The following EPS8 variants were observed in gnomAD, a reference collection of about 807,000 sequenced individuals.
EPS8 encodes the protein EGFR pathway substrate 8, signaling adaptor.
EPS8 carries 42 observed loss-of-function variants against 103.8 expected under a neutral mutation model. The ratio of observed to expected loss-of-function variants is 0.40; its 90% CI spans 0.32 to 0.52. The LOEUF (loss-of-function observed/expected upper bound fraction) is 0.52, where lower values mean the gene tolerates loss of function less well. Ranked by LOEUF, EPS8 falls within the 20% of genes least tolerant of loss-of-function variation. The pLI is 0.40. For missense variants in EPS8, 969 were observed against 1,005.1 expected (o/e 0.96, Z 0.49); for synonymous variants, 344 against 344.6 (o/e 1.00, Z 0.02).
chr12:15,662,777 C>A, intron 8 of EPS8: 1 of 353,298 alleles, frequency 2.8e-6, no homozygotes, highest in Non-Finnish European at 4.0e-6. Context: ...GTTAATACTG[C>A]CTCTAAACAC....
rs554645866 is a variant in EPS8 at position 15,694,632 on chromosome 12, G to A, written c.-21-11660C>T. Among the ~76,000 whole-genome samples the A allele has an allele frequency of 6.6e-5, 10 of 152,168 alleles. No homozygotes were observed. In the South Asian group the frequency reaches 1.5e-3, roughly 22 times the overall value. On this transcript the variant is annotated intron_variant, in intron 1 of 20. Transcript: ENST00000281172. ...TGATACAGCTGGGAACAAATTATTC[G>A]TGGACTACTCCAAAACAAAAGCAGA...
chr12:15,638,464 T>G (rs1945173755), intron 17 of EPS8, among the ~76,000 whole-genome samples: 1 of 152,134 alleles, frequency 6.6e-6, no homozygotes, highest in Non-Finnish European at 1.5e-5. Context: ...TTTAATACAT[T>G]TTCAAAGTAG....
intron 1 of EPS8, among the ~76,000 whole-genome samples, chr12:15,699,139 T>A (rs1037636292): frequency 1.3e-5 from 2 of 152,064 alleles, no homozygotes; most frequent in Non-Finnish European, 2.9e-5. Flanking sequence ...TTTCCTAGAG[T>A]CCAAAGACCT....
intron 16 of EPS8, 90 bp downstream of exon 16, chr12:15,641,632 T>C (rs1945231937): frequency 3.5e-6 from 2 of 564,568 alleles, no homozygotes. Context: ...AGTAATATAA[T>C]ACTTTTGAAG....
chr12:15,739,664 T>A (rs1416396672), intron 1 of EPS8, among the ~76,000 whole-genome samples: 1 of 152,162 alleles, frequency 6.6e-6, no homozygotes, highest in African/African-American at 2.4e-5. Context: ...CTTCCCTGGT[T>A]CACCATCAAC....
In EPS8 at chr12:15,745,269, C is replaced by T. The variant is rs1251122932; in HGVS notation, c.-22+43892G>A. ...CTAACTGCTTATTATAGACTAAGTTCAGTAGATTTTAGTTTCCTCACCTGA... is the reference window on the plus strand; with the variant it reads ...CTAACTGCTTATTATAGACTAAGTTTAGTAGATTTTAGTTTCCTCACCTGA... On this transcript the variant is annotated intron_variant, in intron 1 of 20. Transcript: ENST00000281172. This position sits in a 1 kb window ranked among gnomAD's most constrained non-coding sequence, Gnocchi z 4.6. 6.6e-6 allele frequency among the ~76,000 whole-genome samples: 1 copy of T among 152,140 alleles called. No individual in the cohort carries two copies. The highest frequency in any genetic ancestry group is 2.4e-5 in the African/African-American group (1 of 41,424).
intron 20 of EPS8, 41 bp from the exon 21 acceptor site, chr12:15,621,471 T>C: frequency 6.4e-6 from 7 of 1,093,756 alleles, no homozygotes; most frequent in Non-Finnish European, 9.5e-6. Flanking sequence ...TACTGACTTG[T>C]GCAGGCTGCA....
intron 15 of EPS8, among the ~76,000 whole-genome samples, chr12:15,643,540 GA>G (rs1470056012): frequency 1.3e-5 from 2 of 152,074 alleles, no homozygotes; most frequent in African/African-American, 4.8e-5. Context: ...AGGAGTTTGA[GA>G]CCAGCCTGTC....
In EPS8 at chr12:15,690,053, T is replaced by C. The variant is rs1471745653; in HGVS notation, c.-21-7081A>G. Among the ~76,000 whole-genome samples, 1 of 152,226 alleles carries C rather than the reference T, an allele frequency of 6.6e-6. No homozygotes were observed. The highest frequency in any genetic ancestry group is 1.5e-5 in the Non-Finnish European group (1 of 68,042). Reference sequence around the variant, plus strand: ...CCAAGGATGAGATATAATATTTTAATATTTAACCACCCTGTCACCACATGA... The same window carrying C: ...CCAAGGATGAGATATAATATTTTAACATTTAACCACCCTGTCACCACATGA... On this transcript the variant is annotated intron_variant, in intron 1 of 20. Transcript: ENST00000281172. The surrounding 1 kb of genome is among the most constrained non-coding windows in gnomAD (Gnocchi z 4.7).
chr12:15,726,648 AAAATAG>A (rs1313378575), intron 1 of EPS8, among the ~76,000 whole-genome samples: 2 of 152,194 alleles, frequency 1.3e-5, no homozygotes, highest in Non-Finnish European at 2.9e-5. Flanking sequence ...GGCACTCCTT[AAAATAG>A]TGAGACAGCA....
rs1946902044 is a variant in EPS8 at position 15,748,873 on chromosome 12, T to C, written c.-22+40288A>G. Among the ~76,000 whole-genome samples the C allele has an allele frequency of 6.6e-6, 1 of 152,202 alleles. No homozygotes were observed. The highest frequency in any genetic ancestry group is 1.5e-5 in the Non-Finnish European group (1 of 68,030). On this transcript the variant is annotated intron_variant, in intron 1 of 20. Transcript: ENST00000281172. This position sits in a 1 kb window ranked among gnomAD's most constrained non-coding sequence, Gnocchi z 4.8. Reference sequence around the variant, plus strand: ...TGGTTTCCTAATTTTCATAATGGAATGCTAACTTTGACACTTGCTAATCCA... The same window carrying C: ...TGGTTTCCTAATTTTCATAATGGAACGCTAACTTTGACACTTGCTAATCCA...
chr12:15,766,243 C>T (rs968549883), intron 1 of EPS8, among the ~76,000 whole-genome samples: 1 of 150,322 alleles, frequency 6.7e-6, no homozygotes, highest in Non-Finnish European at 1.5e-5. Flanking sequence ...TCTGGGAGGT[C>T]GAGGCGGGTG....
At chr12:15,765,294 C>A (rs1273937132) in intron 1 of EPS8, among the ~76,000 whole-genome samples, 2 of 152,080 alleles carry the variant, frequency 1.3e-5, no homozygotes, top group African/African-American at 4.8e-5. Flanking sequence ...AAACTGTAGA[C>A]TACAAGTAAA....
rs1277122846 is a variant in EPS8, at chr12:15,714,470, C to G, written c.-21-31498G>C. Among the ~76,000 whole-genome samples the G allele has an allele frequency of 6.6e-6, 1 of 152,094 alleles. No individual in the cohort carries two copies. Among genetic ancestry groups the G allele is most frequent in the Non-Finnish European group, 1.5e-5 (1 of 68,016 alleles). ...CAGCCTGGGCAACATACCAAGACCC[C>G]ATCTCCACAAAAAATTCAGCAATCA... On this transcript the variant is annotated intron_variant, in intron 1 of 20. Transcript: ENST00000281172. This position sits in a 1 kb window ranked among gnomAD's most constrained non-coding sequence, Gnocchi z 4.1.
At position 15,777,712 on chromosome 12, in the gene EPS8, C is replaced by T. The variant is rs766597525; in HGVS notation, c.-22+11449G>A. ...AAATATACTTTTCTATTAAAGCCATCTGAGGATTGAAAAAGGGTGTCAGAA... is the reference window on the plus strand; with the variant it reads ...AAATATACTTTTCTATTAAAGCCATTTGAGGATTGAAAAAGGGTGTCAGAA... On this transcript the variant is annotated intron_variant, in intron 1 of 20. Transcript: ENST00000281172. This position sits in a 1 kb window ranked among gnomAD's most constrained non-coding sequence, Gnocchi z 4.7. 3.1e-4 allele frequency among the ~76,000 whole-genome samples: 47 copies of T among 152,204 alleles called. No homozygotes were observed. The highest frequency in any genetic ancestry group is 3.4e-3 in the Middle Eastern group (1 of 294).
At chr12:15,715,926 A>C (rs1946529018) in intron 1 of EPS8, among the ~76,000 whole-genome samples, 1 of 152,054 alleles carries the variant, frequency 6.6e-6, no homozygotes, top group South Asian at 2.1e-4. Flanking sequence ...GAAGGGAGTG[A>C]GAAGAGGATA....
In EPS8 at chr12:15,734,784, CTCACTGTGACACT is replaced by C. The variant is rs1946752533; in HGVS notation, c.-21-51825_-21-51813del. On this transcript the variant is annotated intron_variant, in intron 1 of 20. Transcript: ENST00000281172. This position sits in a 1 kb window ranked among gnomAD's most constrained non-coding sequence, Gnocchi z 4.1. ...CGTAACTTTGTTAATTCCCATTTAA[CTCACTGTGACACT>C]TCACGATATTAATACTTCTACCTTA... is the stretch of plus-strand genomic sequence containing the variant. 6.6e-6 allele frequency among the ~76,000 whole-genome samples: 1 copy of C among 152,286 alleles called. No individual in the cohort carries two copies. Among genetic ancestry groups the C allele is most frequent in the Admixed American group, 6.5e-5 (1 of 15,290 alleles).
chr12:15,713,584 G>C lies in EPS8; in HGVS notation c.-21-30612C>G, dbSNP rs1010510010. On this transcript the variant is annotated intron_variant, in intron 1 of 20. Coordinates refer to ENST00000281172, the MANE Select transcript of EPS8 (RefSeq NM_004447.6). This position sits in a 1 kb window ranked among gnomAD's most constrained non-coding sequence, Gnocchi z 4.8. Reference sequence around the variant, plus strand: ...CAGAAGAAAGTGCTCCCTCAAGAGAGAAAGCACTCTGCTGGATTTCCAGCC... The same window carrying C: ...CAGAAGAAAGTGCTCCCTCAAGAGACAAAGCACTCTGCTGGATTTCCAGCC... Among the ~76,000 whole-genome samples the C allele has an allele frequency of 1.3e-5, 2 of 152,218 alleles. No individual in the cohort carries two copies. The highest frequency in any genetic ancestry group is 2.9e-5 in the Non-Finnish European group (2 of 68,038).
Position 15,657,749 on chromosome 12 carries a change from TGAGAAA to T in EPS8, c.1101+324_1101+329del, listed in dbSNP as rs545334598. On this transcript the variant is annotated intron_variant, in intron 12 of 20. Coordinates refer to ENST00000281172, the MANE Select transcript of EPS8 (RefSeq NM_004447.6). ...ACTTCTCATGATTATTTTGTGAGAA[TGAGAAA>T]AACATCTACGTTATTCAAGGCACTG... 5 of 212,448 alleles carry T rather than the reference TGAGAAA, an allele frequency of 2.4e-5. No individual in the cohort carries two copies. The South Asian group carries it at 2.4e-4, about 10-fold the overall frequency. 13.2% of individuals were successfully genotyped at this position (212,448 alleles called of 1,614,324 possible). A position where few individuals can be genotyped will look rare whatever the true frequency, so the allele number is the denominator to read the frequency against.
Sources: allele counts gnomAD v4.1 joint callset (sites outside exome capture counted in the v4.1 genomes callset), GRCh38; gene constraint gnomAD v4.1.1; non-coding constraint Gnocchi (gnomAD v3.1); transcripts MANE v1.5; gene names NCBI Gene and HGNC (gene_info 2026-07-23, HGNC 2026-07-21).